Variants in KDM4C observed in about 807,000 individuals in gnomAD.
The protein encoded by KDM4C is lysine-specific demethylase 4C.
In KDM4C, 81 loss-of-function variants were observed where a neutral mutation model predicts 129.3. That is an observed-to-expected ratio of 0.63 (90% CI 0.52 to 0.75). The LOEUF (loss-of-function observed/expected upper bound fraction) is 0.75. KDM4C is among the 30% of genes least tolerant of loss of function. KDM4C has a pLI of 0.00. For synonymous variants in KDM4C, 573 were observed against 456.1 expected (o/e 1.26, Z -3.26); for missense variants, 1,457 against 1,304.0 (o/e 1.12, Z -1.81).
At chr9:6,972,314 A>G (rs897544493) in intron 8 of KDM4C, among the ~76,000 whole-genome samples, 3 of 151,974 alleles carry the variant, frequency 2.0e-5, no homozygotes, top group African/African-American at 4.8e-5. Flanking sequence ...TAGAAAAAGA[A>G]AACACACACA....
intron 5 of KDM4C, among the ~76,000 whole-genome samples, chr9:6,868,677 A>G (rs1842408550): frequency 6.6e-6 from 1 of 152,120 alleles, no homozygotes; most frequent in Admixed American, 6.6e-5. Context: ...CATGTTCAGT[A>G]CAGACACGAC....
intron 17 of KDM4C, among the ~76,000 whole-genome samples, chr9:7,056,712 A>C (rs1289689046): frequency 1.3e-5 from 2 of 152,238 alleles, no homozygotes; most frequent in Admixed American, 1.3e-4. Flanking sequence ...ATTATTAGAC[A>C]GGTGGGACTT....
At chr9:6,993,436 A>G (rs1287142790) in intron 12 of KDM4C, among the ~76,000 whole-genome samples, 1 of 152,182 alleles carries the variant, frequency 6.6e-6, no homozygotes, top group Non-Finnish European at 1.5e-5. Context: ...TTTATTGCCC[A>G]GTTGTTTAAA....
intron 8 of KDM4C, among the ~76,000 whole-genome samples, chr9:6,920,728 G>A (rs1821356678): frequency 6.6e-6 from 1 of 152,132 alleles, no homozygotes; most frequent in Non-Finnish European, 1.5e-5. Flanking sequence ...AGGGTCTGAA[G>A]GTGTGCTTAC....
At chr9:6,779,795 G>A (rs1823922052) in intron 1 of KDM4C, among the ~76,000 whole-genome samples, 2 of 152,288 alleles carry the variant, frequency 1.3e-5, no homozygotes, top group Non-Finnish European at 2.9e-5. Flanking sequence ...AATGGCAAGT[G>A]GGAAACCTGC....
At chr9:6,922,553 TC>T (rs1314852383) in intron 8 of KDM4C, among the ~76,000 whole-genome samples, 2 of 152,208 alleles carry the variant, frequency 1.3e-5, no homozygotes, top group African/African-American at 4.8e-5. Flanking sequence ...TTGAGATCAG[TC>T]TGGGCAACAC....
intron 4 of KDM4C, among the ~76,000 whole-genome samples, chr9:6,828,859 G>A (rs368678867): frequency 3.5e-5 from 5 of 142,670 alleles, no homozygotes; most frequent in East Asian, 4.4e-4. Flanking sequence ...CAACAAGATC[G>A]AAACTCCGTC....
chr9:6,761,954 G>T (rs369192286), intron 1 of KDM4C, among the ~76,000 whole-genome samples: 2 of 151,748 alleles, frequency 1.3e-5, no homozygotes, highest in South Asian at 4.2e-4. Context: ...TTACAGGCAC[G>T]CCCAACTAAT....
chr9:6,833,287 A>G (rs1410958638), intron 4 of KDM4C, among the ~76,000 whole-genome samples: 1 of 152,102 alleles, frequency 6.6e-6, no homozygotes, highest in Non-Finnish European at 1.5e-5. Context: ...TATATCCTGC[A>G]CTTCCTCTAT....
At chr9:7,002,195 C>T (rs1055509833) in intron 12 of KDM4C, among the ~76,000 whole-genome samples, 1 of 152,136 alleles carries the variant, frequency 6.6e-6, no homozygotes, top group African/African-American at 2.4e-5. Context: ...ACTTGCCTCC[C>T]ATGGGTAGTT....
At chr9:7,024,692 C>T (rs1364768170) in intron 15 of KDM4C, among the ~76,000 whole-genome samples, 1 of 152,154 alleles carries the variant, frequency 6.6e-6, no homozygotes, top group Non-Finnish European at 1.5e-5. Flanking sequence ...CATAGTATTC[C>T]ATGGTGTATA....
intron 2 of KDM4C, among the ~76,000 whole-genome samples, chr9:6,795,878 C>T (rs992663201): frequency 1.3e-4 from 20 of 151,416 alleles, no homozygotes; most frequent in African/African-American, 4.9e-4. Context: ...CACCATGTTG[C>T]CTAGGCTGGT....
At chr9:6,870,150 A>T (rs932093131) in intron 5 of KDM4C, among the ~76,000 whole-genome samples, 2 of 152,190 alleles carry the variant, frequency 1.3e-5, no homozygotes, top group Non-Finnish European at 2.9e-5. Flanking sequence ...TTTTGTAACA[A>T]GAACTCCCTT....
intron 4 of KDM4C, among the ~76,000 whole-genome samples, chr9:6,830,069 A>C (rs1335454499): frequency 6.6e-6 from 1 of 152,246 alleles, no homozygotes; most frequent in East Asian, 1.9e-4. Flanking sequence ...TTCTGTACCA[A>C]AATTTTTTTT....
intron 17 of KDM4C, among the ~76,000 whole-genome samples, chr9:7,075,335 C>T (rs1833775337): frequency 6.6e-6 from 1 of 152,194 alleles, no homozygotes; most frequent in East Asian, 1.9e-4. Flanking sequence ...TGTTTTGTCT[C>T]TGCCAAAATT....
At position 7,169,781 on chromosome 9, in the gene KDM4C, A is replaced by G; in HGVS notation, c.2902-17A>G. The G allele has an allele frequency of 6.3e-7, 1 of 1,589,450 alleles. No individual in the cohort carries two copies. The highest frequency in any genetic ancestry group is 1.1e-5 in the South Asian group (1 of 89,414). Reference sequence around the variant, plus strand: ...CTGTTTTTTTAATATGTATCATGTTATATTATCTTTCATTAGGTTGAGTTT... The same window carrying G: ...CTGTTTTTTTAATATGTATCATGTTGTATTATCTTTCATTAGGTTGAGTTT... On this transcript the variant is annotated splice_polypyrimidine_tract_variant and intron_variant, in intron 20 of 21. Coordinates refer to ENST00000381309, the MANE Select transcript of KDM4C (RefSeq NM_015061.6).
chr9:6,964,909 G>A (rs563068447), intron 8 of KDM4C, among the ~76,000 whole-genome samples: 2 of 150,806 alleles, frequency 1.3e-5, no homozygotes, highest in South Asian at 2.1e-4. Context: ...AGCCGAGATC[G>A]CGCCATTGCA....
intron 1 of KDM4C, among the ~76,000 whole-genome samples, chr9:6,746,630 A>ACTTT (rs1817884879): frequency 6.6e-6 from 1 of 151,342 alleles, no homozygotes; most frequent in Non-Finnish European, 1.5e-5. Context: ...CCGAAATCCC[A>ACTTT]GCACTTTGGG....
At chr9:7,082,437 A>G (rs986979901) in intron 17 of KDM4C, among the ~76,000 whole-genome samples, 1 of 152,222 alleles carries the variant, frequency 6.6e-6, no homozygotes, top group East Asian at 1.9e-4. Context: ...GAATGATGCC[A>G]CAAACCATCA....
Sources: allele counts gnomAD v4.1 joint callset (sites outside exome capture counted in the v4.1 genomes callset), GRCh38; gene constraint gnomAD v4.1.1; transcripts MANE v1.5; gene names NCBI Gene and HGNC (gene_info 2026-07-23, HGNC 2026-07-21).